CREG2: variants seen among roughly 807,000 people sequenced by gnomAD.
The protein encoded by CREG2 is cellular repressor of E1A stimulated genes 2.
A neutral mutation model predicts 26.2 loss-of-function variants in CREG2; 24 were observed. The ratio of observed to expected loss-of-function variants is 0.92; its 90% CI spans 0.66 to 1.29. CREG2 has a LOEUF of 1.29. Ranked by LOEUF, CREG2 falls within the 50% of genes most tolerant of loss-of-function variation. CREG2 has a pLI of 0.00. For missense variants in CREG2, 366 were observed against 398.6 expected (o/e 0.92, Z 0.70); for synonymous variants, 174 against 169.2 (o/e 1.03, Z -0.22).
rs1684343557 is a variant in CREG2, at chr2:101,349,280, G to T, written c.*1643C>A. Reference sequence around the variant, plus strand: ...AGAAGTACCTTATTCTTATATATTAGAAATCACTACTGTTAGGAACTCTTT... The same window carrying T: ...AGAAGTACCTTATTCTTATATATTATAAATCACTACTGTTAGGAACTCTTT... On this transcript the variant is annotated 3_prime_UTR_variant, in exon 4 of 4. Transcript: ENST00000324768. The T allele has an allele frequency of 6.6e-6, 1 of 152,484 alleles. No individual in the cohort carries two copies. Among genetic ancestry groups the T allele is most frequent in the Non-Finnish European group, 1.5e-5 (1 of 68,000 alleles). 9.4% of individuals were successfully genotyped at this position (152,484 alleles called of 1,614,324 possible).
rs754742167 is a variant in CREG2, at chr2:101,351,112, A to C, written c.726-42T>G. 5.0e-6 allele frequency: 8 copies of C among 1,599,948 alleles called. 1 individual carries two copies. The South Asian group carries it at 9.0e-5, about 18-fold the overall frequency. ...AGACCACAGTAAAGCTGCTCTTATC[A>C]GAGAGGTGCACCCTGGGCCAAGTCA... On this transcript the variant is annotated intron_variant, in intron 3 of 3. Coordinates refer to ENST00000324768, the MANE Select transcript of CREG2 (RefSeq NM_153836.4).
Position 101,383,627 on chromosome 2 carries a change from A to G in CREG2, c.517T>C (p.Phe173Leu). Residue 173 changes from phenylalanine to leucine, a missense_variant, in exon 2 of 4, where the codon TTC becomes CTC. Physicochemically the swap from Phe to Leu is conservative, Grantham distance 22 (BLOSUM62 0). Coordinates refer to ENST00000324768, the MANE Select transcript of CREG2 (RefSeq NM_153836.4). ...PFNNSTGIPF[F>L]YMTAKDPVVA... ...ACGGGGTCCTTGGCTGTCATGTAGA[A>G]GAAAGGAATCCCAGTGCTATTGTTG... 1.2e-6 allele frequency: 2 copies of G among 1,614,174 alleles called. No homozygotes were observed. Among genetic ancestry groups the G allele is most frequent in the Non-Finnish European group, 1.7e-6 (2 of 1,180,010 alleles).
Position 101,387,396 on chromosome 2 carries a change from C to T in CREG2, c.62G>A (p.Cys21Tyr), listed in dbSNP as rs1170859176. 2 of 1,401,174 alleles carry T rather than the reference C, an allele frequency of 1.4e-6. No homozygotes were observed. The highest frequency in any genetic ancestry group is 1.9e-6 in the Non-Finnish European group (2 of 1,065,670). The allele number at this position is 1,401,174 out of a possible 1,614,324, so 86.8% of individuals were successfully genotyped here. The change falls in exon 1 of 4, where the codon TGC (cysteine) becomes TAC (tyrosine). Residue 21 changes from cysteine (C) to tyrosine (Y), a missense_variant. Cys to Tyr is a radical substitution (Grantham distance 194). This residue lies in a region of CREG2 where 177 missense variants were observed against 183.3 expected (regional missense o/e 0.97). Coordinates refer to ENST00000324768, the MANE Select transcript of CREG2 (RefSeq NM_153836.4). The surrounding 1 kb of genome is among the most constrained non-coding windows in gnomAD (Gnocchi z 4.7). Reference sequence around the variant, plus strand: ...GGCCGGGGACAGCAGGGCGCTGCAGCACAGCAGCCAGGAGAGGCGGGTCCC... The same window carrying T: ...GGCCGGGGACAGCAGGGCGCTGCAGTACAGCAGCCAGGAGAGGCGGGTCCC... ...RPGTRLSWLL[C>Y]CSALLSPAAG... is the part of the protein sequence containing the mutation.
intron 3 of CREG2, among the ~76,000 whole-genome samples, chr2:101,354,940 G>A (rs1350822964): frequency 6.6e-6 from 1 of 152,016 alleles, no homozygotes. Flanking sequence ...TGTTTCAAGT[G>A]GATGCTTGAA....
chr2:101,382,448 A>G (rs1044903285), intron 2 of CREG2: 2 of 963,704 alleles, frequency 2.1e-6, no homozygotes, highest in African/African-American at 3.5e-5. Flanking sequence ...AAAAAGAGTA[A>G]GAAAAGAAAA....
chr2:101,373,650 G>T (rs1409888343), intron 2 of CREG2, among the ~76,000 whole-genome samples: 2 of 152,200 alleles, frequency 1.3e-5, no homozygotes, highest in Non-Finnish European at 2.9e-5. Flanking sequence ...TGCAATGGCA[G>T]AGGAACTACA....
chr2:101,353,185 AT>A (rs1477703256), intron 3 of CREG2, among the ~76,000 whole-genome samples: 2 of 151,982 alleles, frequency 1.3e-5, no homozygotes, highest in African/African-American at 2.4e-5. Context: ...GATTGAAAAA[AT>A]TTTCACCCGT....
In CREG2 at chr2:101,387,104, CG is replaced by C. The variant is rs1207140227; in HGVS notation, c.353del (p.Pro118ArgfsTer58). The C allele has an allele frequency of 8.0e-7, 1 of 1,243,058 alleles. No individual in the cohort carries two copies. The highest frequency in any genetic ancestry group is 1.0e-6 in the Non-Finnish European group (1 of 995,262). The allele number at this position is 1,243,058 out of a possible 1,614,324, so 77.0% of individuals were successfully genotyped here. A position where few individuals can be genotyped will look rare whatever the true frequency, so the allele number is the denominator to read the frequency against. ...CGGTGGCGGCGCGCAGTCTAGGGCC[CG>C]GGGGCGCACTGGCCGTCTGGCCGCC... ...REGGQTASAP[P>X]GPRLRAATAR... On this transcript the variant is annotated frameshift_variant, in exon 1 of 4. Coordinates refer to ENST00000324768, the MANE Select transcript of CREG2 (RefSeq NM_153836.4). LOFTEE classifies it high-confidence loss of function. This position sits in a 1 kb window ranked among gnomAD's most constrained non-coding sequence, Gnocchi z 4.7.
rs959096219 is a variant in CREG2, at chr2:101,348,398, T to G, written c.*2525A>C. On this transcript the variant is annotated 3_prime_UTR_variant, in exon 4 of 4. Coordinates refer to ENST00000324768, the MANE Select transcript of CREG2 (RefSeq NM_153836.4). ...GAGATGGAGATGGGGAGAACTGATA[T>G]CTTTACTGTTTGTATCTTCCAATCC... The G allele has an allele frequency of 6.6e-6, 1 of 152,226 alleles. No homozygotes were observed. Among genetic ancestry groups the G allele is most frequent in the East Asian group, 1.9e-4 (1 of 5,192 alleles). 9.4% of individuals were successfully genotyped at this position (152,226 alleles called of 1,614,324 possible). A position where few individuals can be genotyped will look rare whatever the true frequency, so the allele number is the denominator to read the frequency against.
In CREG2 at chr2:101,383,666, T is replaced by A. The variant is rs1170063598; in HGVS notation, c.478A>T (p.Ser160Cys). The change falls in exon 2 of 4, where the codon AGT becomes TGT. Residue 160 changes from serine to cysteine, a missense_variant. By Grantham distance (112) the Ser-to-Cys change is moderately radical. This residue lies in a region of CREG2 where 174 missense variants were observed against 178.2 expected (regional missense o/e 0.98). Coordinates refer to ENST00000324768, the MANE Select transcript of CREG2 (RefSeq NM_153836.4). ...GTGCTATTGTTGAAGGGGCCATCAC[T>A]GACGGGCAGGCAGTTCCCAAATGGC... ...GLPFGNCLPV[S>C]DGPFNNSTGI... The A allele has an allele frequency of 1.9e-6, 3 of 1,611,708 alleles. No homozygotes were observed. In the Admixed American group the frequency reaches 5.0e-5, roughly 27 times the overall value.
intron 2 of CREG2, among the ~76,000 whole-genome samples, chr2:101,373,763 T>C (rs1050802133): frequency 6.6e-6 from 1 of 152,152 alleles, no homozygotes; most frequent in Admixed American, 6.5e-5. Context: ...TACTATGATA[T>C]ATGACCTCGG....
Position 101,347,816 on chromosome 2 carries a change from A to G in CREG2, c.*3107T>C, listed in dbSNP as rs1180398774. The G allele has an allele frequency of 2.0e-5, 3 of 152,170 alleles. No homozygotes were observed. The highest frequency in any genetic ancestry group is 4.4e-5 in the Non-Finnish European group (3 of 68,030). 9.4% of individuals were successfully genotyped at this position (152,170 alleles called of 1,614,324 possible). On this transcript the variant is annotated 3_prime_UTR_variant, in exon 4 of 4. Transcript: ENST00000324768. ...TGGTCTTTTGCAGAACAAATGTTTT[A>G]AATTCTGATGAAGTTTAATTTATCA...
rs1684988651 is a variant in CREG2 at position 101,387,246 on chromosome 2, T to G, written c.212A>C (p.Gln71Pro). 3 of 1,442,704 alleles carry G rather than the reference T, an allele frequency of 2.1e-6. No homozygotes were observed. The Admixed American group carries it at 7.0e-5, about 34-fold the overall frequency. 89.4% of individuals were successfully genotyped at this position (1,442,704 alleles called of 1,614,324 possible). ...GTGGGCAGAGGCGGGGAAGCTTTGC[T>G]GCCAGATGCTGCCCGAATCCTCTAG... ...ALLEDSGSIW[Q>P]QSFPASAHKE... The change falls in exon 1 of 4, where the codon CAG (glutamine) becomes CCG (proline). Residue 71 changes from glutamine (Q) to proline (P), a missense_variant. Physicochemically the swap from Gln to Pro is moderately conservative, Grantham distance 76. Around this residue, in one of 3 missense-constraint regions of CREG2, gnomAD observed 177 missense variants for 183.3 expected, o/e 0.97. Transcript: ENST00000324768. The surrounding 1 kb of genome is among the most constrained non-coding windows in gnomAD (Gnocchi z 4.7).
intron 2 of CREG2, among the ~76,000 whole-genome samples, chr2:101,380,246 C>T (rs1215260024): frequency 6.6e-6 from 1 of 152,242 alleles, no homozygotes; most frequent in Non-Finnish European, 1.5e-5. Flanking sequence ...GCATTCCTCC[C>T]TCCCTAAGCC....
rs991993446 is a variant in CREG2, at chr2:101,348,929, C to T, written c.*1994G>A. On this transcript the variant is annotated 3_prime_UTR_variant, in exon 4 of 4. Coordinates refer to ENST00000324768, the MANE Select transcript of CREG2 (RefSeq NM_153836.4). ...TGTGAATTTTCAACACTATTCTTAC[C>T]CAACCTTTTCAGGTTTCATTTCCTG... is the stretch of plus-strand genomic sequence containing the variant. The T allele has an allele frequency of 4.6e-5, 7 of 152,388 alleles. No homozygotes were observed. The highest frequency in any genetic ancestry group is 1.7e-4 in the African/African-American group (7 of 41,426). The allele number at this position is 152,388 out of a possible 1,614,324, so 9.4% of individuals were successfully genotyped here.
rs1157740071 is a variant in CREG2 at position 101,346,930 on chromosome 2, C to T, written c.*3993G>A. 6.6e-6 allele frequency: 1 copy of T among 152,204 alleles called. No individual in the cohort carries two copies. The highest frequency in any genetic ancestry group is 2.4e-5 in the African/African-American group (1 of 41,440). 9.4% of individuals were successfully genotyped at this position (152,204 alleles called of 1,614,324 possible). A position where few individuals can be genotyped will look rare whatever the true frequency, so the allele number is the denominator to read the frequency against. ...ATTTGGTCAAGATACTGAATATGTC[C>T]ATCACCACAAGGATCTCTTGTGCTA... On this transcript the variant is annotated 3_prime_UTR_variant, in exon 4 of 4. Coordinates refer to ENST00000324768, the MANE Select transcript of CREG2 (RefSeq NM_153836.4).
chr2:101,357,716 A>G (rs1199950385), intron 2 of CREG2, among the ~76,000 whole-genome samples: 2 of 152,130 alleles, frequency 1.3e-5, no homozygotes, highest in Middle Eastern at 3.4e-3. Flanking sequence ...AGGAGGTTTT[A>G]TTATTAACCC....
intron 2 of CREG2, among the ~76,000 whole-genome samples, chr2:101,380,669 C>A (rs924314560): frequency 6.6e-6 from 1 of 152,166 alleles, no homozygotes; most frequent in Non-Finnish European, 1.5e-5. Context: ...GCAGGCCGGG[C>A]GCCGTGGCTC....
intron 2 of CREG2, among the ~76,000 whole-genome samples, chr2:101,377,055 T>C (rs1039795970): frequency 6.6e-6 from 1 of 152,198 alleles, no homozygotes; most frequent in African/African-American, 2.4e-5. Flanking sequence ...CAAAATATTA[T>C]AAATTCTAAA....
Sources: allele counts gnomAD v4.1 joint callset (sites outside exome capture counted in the v4.1 genomes callset), GRCh38; gene constraint gnomAD v4.1.1; regional missense constraint gnomAD v4.1.1; non-coding constraint Gnocchi (gnomAD v3.1); transcripts MANE v1.5; gene names NCBI Gene and HGNC (gene_info 2026-07-23, HGNC 2026-07-21).